GATAD2A: variants seen among roughly 807,000 people sequenced by gnomAD.
The protein encoded by GATAD2A is GATA zinc finger domain containing 2A.
GATAD2A carries 12 observed loss-of-function variants against 68.5 expected under a neutral mutation model. The observed-to-expected ratio is 0.18, with a 90% CI of 0.11 to 0.28. The LOEUF (loss-of-function observed/expected upper bound fraction) is 0.28. GATAD2A is among the 10% of genes least tolerant of loss of function. The pLI is 1.00. For synonymous variants in GATAD2A, 410 were observed against 375.3 expected, an observed-to-expected ratio of 1.09 and a Z score of -1.07; for missense variants, 755 against 868.5, an observed-to-expected ratio of 0.87 and a Z score of 1.64.
At chr19:19,468,505 A>G (rs1392758143) in intron 2 of GATAD2A, among the ~76,000 whole-genome samples, 1 of 152,248 alleles carries the variant, frequency 6.6e-6, no homozygotes, top group Non-Finnish European at 1.5e-5. Flanking sequence ...CTTGACCTAG[A>G]TACATCATAG....
At chr19:19,401,739 A>G (rs1307535477), upstream of GATAD2A, among the ~76,000 whole-genome samples, 3 of 63,684 alleles carry the variant, frequency 4.7e-5, no homozygotes, top group Admixed American at 3.6e-4. Flanking sequence ...AAAAGTACCA[A>G]AAAAAAGGAA....
chr19:19,412,670 G>A (rs1310677663), intron 1 of GATAD2A, among the ~76,000 whole-genome samples: 1 of 152,082 alleles, frequency 6.6e-6, no homozygotes, highest in Non-Finnish European at 1.5e-5. Context: ...TTATCTGGAA[G>A]GGATGTGAAA....
At chr19:19,480,070 T>C (rs1368178847) in intron 2 of GATAD2A, among the ~76,000 whole-genome samples, 1 of 152,016 alleles carries the variant, frequency 6.6e-6, no homozygotes, top group Non-Finnish European at 1.5e-5. Context: ...GCTCCCAAAG[T>C]GCTAGGATTC....
At chr19:19,467,328 A>G (rs1365133563) in intron 2 of GATAD2A, among the ~76,000 whole-genome samples, 17 of 152,192 alleles carry the variant, frequency 1.1e-4, no homozygotes, top group Non-Finnish European at 1.5e-4. Context: ...ATGAGCCGAG[A>G]TCGCGCCACT....
At chr19:19,439,985 C>T (rs2054813823) in intron 1 of GATAD2A, 1 of 173,970 alleles carries the variant, frequency 5.7e-6, no homozygotes, top group Middle Eastern at 6.5e-4. Context: ...TTCATTACAA[C>T]ACTCCGGAAA....
intron 1 of GATAD2A, among the ~76,000 whole-genome samples, chr19:19,421,760 G>GT (rs2052445620): frequency 6.6e-6 from 1 of 152,138 alleles, no homozygotes; most frequent in Non-Finnish European, 1.5e-5. Context: ...AAAGTCTGCT[G>GT]AGGACCTAGC....
chr19:19,487,928 G>C (rs2059548035), intron 2 of GATAD2A, among the ~76,000 whole-genome samples: 1 of 152,188 alleles, frequency 6.6e-6, no homozygotes, highest in Non-Finnish European at 1.5e-5. Context: ...AGGAGGAAAG[G>C]TTCTAGTGGG....
chr19:19,431,712 A>T (rs1246361582), intron 1 of GATAD2A, among the ~76,000 whole-genome samples: 2 of 151,030 alleles, frequency 1.3e-5, no homozygotes, highest in Non-Finnish European at 3.0e-5. Flanking sequence ...AAAAAAAAAA[A>T]TTTACTAAGC....
chr19:19,468,432 T>TA (rs11404084), intron 2 of GATAD2A, among the ~76,000 whole-genome samples: 29,320 of 152,180 alleles, frequency 0.19, 3,048 homozygotes, highest in South Asian at 0.35. Flanking sequence ...GGCAAAAACA[T>TA]ACTTGAGGAG....
At chr19:19,439,818 A>G (rs1041838612) in intron 1 of GATAD2A, among the ~76,000 whole-genome samples, 13 of 152,210 alleles carry the variant, frequency 8.5e-5, no homozygotes, top group Admixed American at 5.9e-4. Flanking sequence ...ACTGCACTCC[A>G]GCATGGGTGA....
At position 19,492,549 on chromosome 19, in the gene GATAD2A, C is replaced by G. The variant is rs752988785; in HGVS notation, c.403-32C>G. 3.1e-6 allele frequency: 5 copies of G among 1,612,982 alleles called. No homozygotes were observed. In the African/African-American group the frequency reaches 5.3e-5, roughly 17 times the overall value. Reference sequence around the variant, plus strand: ...GCCTCTGCTCCTCACCAAGGACGCTCCCTCTCAACCCTGTTCCTCTCGCCC... The same window carrying G: ...GCCTCTGCTCCTCACCAAGGACGCTGCCTCTCAACCCTGTTCCTCTCGCCC... On this transcript the variant is annotated intron_variant, in intron 3 of 11. Coordinates refer to ENST00000683918, the MANE Select transcript of GATAD2A (RefSeq NM_001384528.1).
At chr19:19,467,659 T>C (rs2057980674) in intron 2 of GATAD2A, among the ~76,000 whole-genome samples, 1 of 152,228 alleles carries the variant, frequency 6.6e-6, no homozygotes, top group South Asian at 2.1e-4. Context: ...AAACTACCTT[T>C]TTTTCTTTCA....
chr19:19,421,737 G>GGGTGATGCA (rs1358253518), intron 1 of GATAD2A, among the ~76,000 whole-genome samples: 1 of 152,190 alleles, frequency 6.6e-6, no homozygotes, highest in African/African-American at 2.4e-5. Context: ...CTTACTCTGG[G>GGGTGATGCA]GGTGATGCAG....
At chr19:19,435,789 G>A (rs2147525578) in intron 1 of GATAD2A, among the ~76,000 whole-genome samples, 1 of 152,310 alleles carries the variant, frequency 6.6e-6, no homozygotes. Flanking sequence ...GTCAGAGGTT[G>A]CAGTGAGCCG....
At chr19:19,505,252 T>G in intron 11 of GATAD2A, 92 bp from the exon 12 acceptor site, 1 of 1,264,590 alleles carries the variant, frequency 7.9e-7, no homozygotes, top group Non-Finnish European at 1.1e-6. Context: ...TTAGTCTGTA[T>G]TGGGGCTGGG....
rs574228155 is a variant in GATAD2A, at chr19:19,408,824, G to C, written c.-7+2805G>C. Among the ~76,000 whole-genome samples, 188 of 152,220 alleles carry C rather than the reference G, an allele frequency of 1.2e-3. 1 individual carries two copies. The highest frequency in any genetic ancestry group is 4.3e-3 in the African/African-American group (177 of 41,544). ...AAGGAGAGAAGGACACTGTGACCTG[G>C]TGAGCCCGAAAGGACCTTTCTCCTA... On this transcript the variant is annotated intron_variant, in intron 1 of 11. Transcript: ENST00000683918.
chr19:19,408,391 G>GAGGGAAAAATATAATGCTACTTTCGGT (rs1337688767), intron 1 of GATAD2A, among the ~76,000 whole-genome samples: 1 of 152,206 alleles, frequency 6.6e-6, no homozygotes, highest in Admixed American at 6.5e-5. Flanking sequence ...TTTTGATAGT[G>GAGGGAAAAATATAATGCTACTTTCGGT]AGGGAAAAAT....
intron 1 of GATAD2A, among the ~76,000 whole-genome samples, chr19:19,389,571 C>T (rs1245525637): frequency 6.6e-6 from 1 of 152,138 alleles, no homozygotes; most frequent in Non-Finnish European, 1.5e-5. Flanking sequence ...CTTTCCTGGG[C>T]CCTCTGCTGC....
intron 1 of GATAD2A, among the ~76,000 whole-genome samples, chr19:19,393,147 C>T (rs938542100): frequency 1.3e-5 from 2 of 152,162 alleles, no homozygotes; most frequent in Admixed American, 6.5e-5. Flanking sequence ...TACTAAAAAT[C>T]CAAAAATTAG....
Sources: gnomAD v4.1 joint callset for allele counts (sites outside exome capture counted in the v4.1 genomes callset) on GRCh38, gnomAD v4.1.1 for gene constraint, MANE v1.5 for transcripts, NCBI Gene and HGNC (gene_info 2026-07-23, HGNC 2026-07-21) for gene names.